FAF1: variants seen among roughly 807,000 people sequenced by gnomAD.
FAF1 encodes Fas associated factor 1, also known as FAS-associated factor 1.
A neutral mutation model predicts 92.5 loss-of-function variants in FAF1; 25 were observed. The observed-to-expected ratio is 0.27, with a 90% confidence interval of 0.20 to 0.38. The LOEUF (loss-of-function observed/expected upper bound fraction) is 0.38, where lower values mean the gene tolerates loss of function less well. FAF1 is among the 10% of genes least tolerant of loss of function. FAF1 has a pLI of 1.00. For synonymous variants in FAF1, 234 were observed against 273.2 expected (o/e 0.86, Z 1.42); for missense variants, 636 against 793.3 (o/e 0.80, Z 2.38).
chr1:50,814,147 C>T (rs974267498), intron 2 of FAF1, among the ~76,000 whole-genome samples: 2 of 152,090 alleles, frequency 1.3e-5, no homozygotes, highest in Non-Finnish European at 2.9e-5. Flanking sequence ...TACTATACTG[C>T]AGGTAACTGA....
At chr1:50,687,472 G>A (rs189927835) in intron 7 of FAF1, among the ~76,000 whole-genome samples, 8 of 152,186 alleles carry the variant, frequency 5.3e-5, no homozygotes, top group Admixed American at 2.6e-4. Flanking sequence ...AAAACTGGCC[G>A]GGTGCGATGG....
intron 2 of FAF1, among the ~76,000 whole-genome samples, chr1:50,829,123 G>C (rs182164174): frequency 6.6e-6 from 1 of 152,336 alleles, no homozygotes; most frequent in Admixed American, 6.5e-5. Context: ...CAGGTAGTGA[G>C]TGGCAAGAAT....
chr1:50,786,083 G>A (rs1406498423), intron 4 of FAF1, among the ~76,000 whole-genome samples: 3 of 150,634 alleles, frequency 2.0e-5, no homozygotes, highest in Non-Finnish European at 4.4e-5. Flanking sequence ...AGTGAGCCGC[G>A]ATCACGCCAC....
chr1:50,551,063 C>T (rs1347479946), intron 13 of FAF1, among the ~76,000 whole-genome samples: 21 of 152,204 alleles, frequency 1.4e-4, no homozygotes, highest in Admixed American at 1.4e-3. Context: ...AACTCAGGTG[C>T]TTATAAATAT....
At chr1:50,765,805 A>C (rs889909306) in intron 4 of FAF1, among the ~76,000 whole-genome samples, 3 of 152,156 alleles carry the variant, frequency 2.0e-5, no homozygotes, top group Non-Finnish European at 4.4e-5. Flanking sequence ...AAAGAGTAAA[A>C]TAGGGCTAGG....
At chr1:50,450,171 G>A (rs1160415466) in intron 18 of FAF1, among the ~76,000 whole-genome samples, 2 of 148,018 alleles carry the variant, frequency 1.4e-5, no homozygotes, top group Non-Finnish European at 3.0e-5. Context: ...TCCAGCCTGG[G>A]TGACAGAGCA....
At chr1:50,844,237 C>A (rs1338816520) in intron 2 of FAF1, among the ~76,000 whole-genome samples, 1 of 151,994 alleles carries the variant, frequency 6.6e-6, no homozygotes, top group Non-Finnish European at 1.5e-5. Context: ...ATTTGTTTTT[C>A]TGCAGTTGAG....
chr1:50,918,461 C>T (rs1421075349), intron 1 of FAF1, among the ~76,000 whole-genome samples: 7 of 60,378 alleles, frequency 1.2e-4, no homozygotes, highest in African/African-American at 3.5e-4. Flanking sequence ...TTTGTTCTTG[C>T]GATAGTTTAC....
At chr1:50,490,561 A>T in intron 17 of FAF1, 27 bp downstream of exon 17, 1 of 1,042,060 alleles carries the variant, frequency 9.6e-7, no homozygotes, top group Non-Finnish European at 1.4e-6. Context: ...CAGCTTTTGA[A>T]TAACTTTTCT....
At chr1:50,767,718 C>A (rs1660628749) in intron 4 of FAF1, among the ~76,000 whole-genome samples, 1 of 152,100 alleles carries the variant, frequency 6.6e-6, no homozygotes, top group Non-Finnish European at 1.5e-5. Flanking sequence ...GATTAAGCTT[C>A]ATAAATGAAT....
intron 2 of FAF1, among the ~76,000 whole-genome samples, chr1:50,836,282 C>T (rs1185798569): frequency 6.7e-6 from 1 of 150,372 alleles, no homozygotes; most frequent in Non-Finnish European, 1.5e-5. Flanking sequence ...GCAATCCTCC[C>T]ACCTCAGCCT....
At chr1:50,614,437 G>C (rs904177555) in intron 8 of FAF1, among the ~76,000 whole-genome samples, 3 of 152,128 alleles carry the variant, frequency 2.0e-5, no homozygotes, top group Admixed American at 6.5e-5. Flanking sequence ...ATGTTTATGT[G>C]AGTGTAAAAA....
At chr1:50,930,875 C>G (rs1473974261) in intron 1 of FAF1, among the ~76,000 whole-genome samples, 1 of 152,172 alleles carries the variant, frequency 6.6e-6, no homozygotes, top group Non-Finnish European at 1.5e-5. Flanking sequence ...GGCAATATAA[C>G]TTAACTAGGG....
At chr1:50,848,304 A>G (rs370999702) in intron 2 of FAF1, among the ~76,000 whole-genome samples, 1 of 152,240 alleles carries the variant, frequency 6.6e-6, no homozygotes, top group African/African-American at 2.4e-5. Flanking sequence ...CAAAAATAAT[A>G]CCAAAAAAGT....
At chr1:50,621,402 T>TC (rs1337609172) in intron 8 of FAF1, among the ~76,000 whole-genome samples, 1 of 130,076 alleles carries the variant, frequency 7.7e-6, no homozygotes, top group African/African-American at 3.0e-5. Context: ...TTTTTTTTTT[T>TC]TTTTTTTTTT....
intron 12 of FAF1, 165 bp downstream of exon 12, chr1:50,582,453 G>A: frequency 3.5e-6 from 2 of 563,894 alleles, no homozygotes; most frequent in Non-Finnish European, 6.4e-6. Flanking sequence ...ATACAGAGAT[G>A]ATTAGCATGG....
At chr1:50,919,476 G>T (rs947302036) in intron 1 of FAF1, among the ~76,000 whole-genome samples, 2 of 151,938 alleles carry the variant, frequency 1.3e-5, no homozygotes, top group Non-Finnish European at 2.9e-5. Flanking sequence ...GCTGCCGGGG[G>T]GTAAATAGAA....
chr1:50,553,747 G>A (rs551015890), intron 13 of FAF1, among the ~76,000 whole-genome samples: 7 of 152,178 alleles, frequency 4.6e-5, no homozygotes, highest in Admixed American at 4.6e-4. Context: ...GGAAAAATGA[G>A]AACTAGAGTT....
chr1:50,525,658 A>G (rs1461063849), intron 15 of FAF1, among the ~76,000 whole-genome samples: 1 of 152,154 alleles, frequency 6.6e-6, no homozygotes, highest in Non-Finnish European at 1.5e-5. Context: ...TGAGTGGTTC[A>G]CTATTGAGTA....
Sources: allele counts gnomAD v4.1 joint callset (sites outside exome capture counted in the v4.1 genomes callset), GRCh38; gene constraint gnomAD v4.1.1; transcripts MANE v1.5; gene names NCBI Gene and HGNC (gene_info 2026-07-23, HGNC 2026-07-21).